Variants in ZFX observed in about 807,000 individuals in gnomAD.
ZFX encodes zinc finger X-chromosomal protein.
For synonymous variants in ZFX, 196 were observed against 226.8 expected (o/e 0.86, Z 1.22); for missense variants, 362 against 628.3 (o/e 0.58, Z 4.53).
Position 24,211,086 on chromosome X carries a change from C to T in ZFX, c.2128C>T (p.Leu710Phe). The change falls in exon 10 of 10, where the codon CTC (leucine) becomes TTC (phenylalanine). Residue 710 changes from leucine to phenylalanine, a missense_variant. Transcript: ENST00000304543. ...TCCATTTGTTCTAAGTCGCCATATT[C>T]TCTCAGTTCACACAAAGGATCTTCC... ...ADPFVLSRHILSVHTKDLPFR... is the reference protein window; with the variant it reads ...ADPFVLSRHIFSVHTKDLPFR... The T allele has an allele frequency of 8.3e-7, 1 of 1,212,099 alleles. No individual in the cohort carries two copies. The highest frequency in any genetic ancestry group is 1.1e-6 in the Non-Finnish European group (1 of 895,645).
Position 24,208,382 on chromosome X carries a change from A to G in ZFX, c.1093+12A>G. ...GGCAGCAGCTTATGGTAAGTTGCCC[A>G]GCAGCTCTTAGCATTGAAGAAGTTG... On this transcript the variant is annotated intron_variant, in intron 8 of 9. Coordinates refer to ENST00000304543, the MANE Select transcript of ZFX (RefSeq NM_003410.4). 1.7e-6 allele frequency: 2 copies of G among 1,203,036 alleles called. No homozygotes were observed. The highest frequency in any genetic ancestry group is 2.2e-6 in the Non-Finnish European group (2 of 893,037).
chrX:24,165,284 C>T (rs187374950), intron 3 of ZFX, among the ~76,000 whole-genome samples: 15 of 112,056 alleles, frequency 1.3e-4, no homozygotes, highest in Admixed American at 5.7e-4. Flanking sequence ...CCACGCCTGG[C>T]TAATTTTTTG....
intron 5 of ZFX, among the ~76,000 whole-genome samples, chrX:24,206,107 T>G (rs1937566441): frequency 9.0e-6 from 1 of 111,427 alleles, no homozygotes; most frequent in South Asian, 3.8e-4. Flanking sequence ...GGACCTAGAC[T>G]CATTATTGTC....
intron 3 of ZFX, among the ~76,000 whole-genome samples, chrX:24,158,280 G>T (rs755145561): frequency 1.8e-5 from 2 of 110,878 alleles, no homozygotes; most frequent in Non-Finnish European, 3.8e-5. Context: ...CATGCCGGGT[G>T]TGGTGGTTCA....
chrX:24,179,920 A>G (rs1935524031), intron 5 of ZFX, 150 bp downstream of exon 5: 2 of 571,556 alleles, frequency 3.5e-6, no homozygotes, highest in South Asian at 3.3e-5. Context: ...GCAGCCTACA[A>G]GATAACTGAA....
At chrX:24,203,446 A>G (rs1937436918) in intron 5 of ZFX, among the ~76,000 whole-genome samples, 1 of 112,350 alleles carries the variant, frequency 8.9e-6, no homozygotes, top group Non-Finnish European at 1.9e-5. Context: ...AGAGTCCCAG[A>G]GGCAGGGCGC....
chrX:24,199,230 T>C (rs1057481226), intron 5 of ZFX, among the ~76,000 whole-genome samples: 1 of 109,952 alleles, frequency 9.1e-6, no homozygotes, highest in African/African-American at 3.3e-5. Context: ...GGTGAAGTTA[T>C]GGGCAAAGAA....
chrX:24,211,514 CT>C lies in ZFX; in HGVS notation c.*146del, dbSNP rs781656650. On this transcript the variant is annotated 3_prime_UTR_variant, in exon 10 of 10. Coordinates refer to ENST00000304543, the MANE Select transcript of ZFX (RefSeq NM_003410.4). ...AAATAGAATTATTACTTCTAGTTGA[CT>C]TTTTTTTAAATATACATTTTGCTCA... The C allele has an allele frequency of 1.2e-4, 95 of 785,034 alleles. No individual in the cohort carries two copies. Among genetic ancestry groups the C allele is most frequent in the South Asian group, 4.3e-4 (15 of 34,650 alleles). The allele number at this position is 785,034 out of a possible 1,213,427, so 64.7% of individuals were successfully genotyped here.
rs1235613853 is a variant in ZFX, at chrX:24,214,094, TGTA to T, written c.*2721_*2723del. On this transcript the variant is annotated 3_prime_UTR_variant, in exon 10 of 10. Transcript: ENST00000304543. The stretch of plus-strand genomic sequence containing the variant: ...TGTCTGTATAAAGAGAAAATGAAAT[TGTA>T]GTCACTGTTATGTACTGACATTAGT... 3.6e-5 allele frequency: 4 copies of T among 111,965 alleles called. No homozygotes were observed. The highest frequency in any genetic ancestry group is 9.8e-5 in the African/African-American group (3 of 30,767). The allele number at this position is 111,965 out of a possible 1,213,427, so 9.2% of individuals were successfully genotyped here. A position where few individuals can be genotyped will look rare whatever the true frequency, so the allele number is the denominator to read the frequency against.
Position 24,215,159 on chromosome X carries a change from A to G in ZFX, c.*3783A>G, listed in dbSNP as rs994126628. The stretch of plus-strand genomic sequence containing the variant: ...TAAATCAGACAAAACCATACATAGC[A>G]TGCTGAAAAACTTTTGTAATGGAAC... On this transcript the variant is annotated 3_prime_UTR_variant, in exon 10 of 10. Transcript: ENST00000304543. The G allele has an allele frequency of 1.8e-5, 2 of 112,090 alleles. No individual in the cohort carries two copies. Among genetic ancestry groups the G allele is most frequent in the Non-Finnish European group, 3.8e-5 (2 of 53,285 alleles). The allele number at this position is 112,090 out of a possible 1,213,427, so 9.2% of individuals were successfully genotyped here.
chrX:24,162,453 A>G (rs1273446119), intron 3 of ZFX, among the ~76,000 whole-genome samples: 1 of 112,177 alleles, frequency 8.9e-6, no homozygotes, highest in Non-Finnish European at 1.9e-5. Context: ...TAATAATTAT[A>G]TCTTCTATTT....
At chrX:24,178,450 G>A (rs1459155295) in intron 4 of ZFX, among the ~76,000 whole-genome samples, 1 of 107,705 alleles carries the variant, frequency 9.3e-6, no homozygotes, top group Non-Finnish European at 1.9e-5. Flanking sequence ...CACCACACCC[G>A]GCTCATTTTT....
intron 5 of ZFX, among the ~76,000 whole-genome samples, chrX:24,196,825 G>A (rs141169704): frequency 0.032 from 3,605 of 111,286 alleles, 146 homozygotes; most frequent in African/African-American, 0.11. Flanking sequence ...CAAACTTCTC[G>A]CTTAAGTGAT....
At chrX:24,167,668 A>C (rs1934133197) in intron 3 of ZFX, among the ~76,000 whole-genome samples, 1 of 112,237 alleles carries the variant, frequency 8.9e-6, no homozygotes, top group Non-Finnish European at 1.9e-5. Context: ...GTGGAGATCA[A>C]ATTAGCTAGC....
chrX:24,166,738 C>T (rs1042701375), intron 3 of ZFX, among the ~76,000 whole-genome samples: 5 of 111,562 alleles, frequency 4.5e-5, no homozygotes, highest in Non-Finnish European at 9.4e-5. Flanking sequence ...ATTTTTTCTT[C>T]CTTCTAAAAT....
At position 24,212,991 on chromosome X, in the gene ZFX, T is replaced by G. The variant is rs373520939; in HGVS notation, c.*1615T>G. The G allele has an allele frequency of 3.7e-4, 41 of 110,419 alleles. No individual in the cohort carries two copies. The highest frequency in any genetic ancestry group is 1.3e-3 in the African/African-American group (39 of 30,275). 9.1% of individuals were successfully genotyped at this position (110,419 alleles called of 1,213,427 possible). A position where few individuals can be genotyped will look rare whatever the true frequency, so the allele number is the denominator to read the frequency against. ...GCAACCTCTGCAGCTCACTGCAACC[T>G]CTGCTTCCTGGGTTCAAGCAATTAT... is the stretch of plus-strand genomic sequence containing the variant. On this transcript the variant is annotated 3_prime_UTR_variant, in exon 10 of 10. Transcript: ENST00000304543.
chrX:24,160,520 A>G (rs1479136083), intron 3 of ZFX, among the ~76,000 whole-genome samples: 1 of 110,510 alleles, frequency 9.0e-6, no homozygotes, highest in Non-Finnish European at 1.9e-5. Flanking sequence ...GCTGGTTTCA[A>G]ACTCCTGACC....
chrX:24,198,543 T>TGAA (rs1208327939), intron 5 of ZFX, among the ~76,000 whole-genome samples: 1 of 109,322 alleles, frequency 9.1e-6, no homozygotes, highest in Non-Finnish European at 1.9e-5. Context: ...AACATTTACT[T>TGAA]GAAGATTAGC....
At chrX:24,167,963 A>C (rs780195697) in intron 3 of ZFX, among the ~76,000 whole-genome samples, 1 of 111,769 alleles carries the variant, frequency 8.9e-6, no homozygotes, top group African/African-American at 3.3e-5. Context: ...AGTGATAAGT[A>C]TAAGAGTTAC....
Sources: gnomAD v4.1 joint callset for allele counts (sites outside exome capture counted in the v4.1 genomes callset) on GRCh38, gnomAD v4.1.1 for gene constraint, MANE v1.5 for transcripts, NCBI Gene and HGNC (gene_info 2026-07-23, HGNC 2026-07-21) for gene names.